APLF: variants seen among roughly 807,000 people sequenced by gnomAD.
APLF encodes aprataxin and PNK-like factor.
In APLF, 61 loss-of-function variants were observed where a neutral mutation model predicts 55.6. That is an observed-to-expected ratio of 1.10 (90% CI 0.89 to 1.36). APLF has a LOEUF of 1.36. APLF is among the 40% of genes most tolerant of loss of function. The pLI is 0.00. For synonymous variants in APLF, 207 were observed against 214.8 expected, an observed-to-expected ratio of 0.96 and a Z score of 0.32; for missense variants, 611 against 602.5, an observed-to-expected ratio of 1.01 and a Z score of -0.15.
chr2:68,515,220 A>G (rs1288672726), intron 5 of APLF, among the ~76,000 whole-genome samples: 1 of 151,724 alleles, frequency 6.6e-6, no homozygotes, highest in Non-Finnish European at 1.5e-5. Flanking sequence ...ATCTAAGCCT[A>G]AGACTTTTGC....
chr2:68,490,168 T>C, intron 1 of APLF, 22 bp from the exon 2 acceptor site: 1 of 1,556,034 alleles, frequency 6.4e-7, no homozygotes, highest in Non-Finnish European at 8.7e-7. Context: ...ATTCTTAATC[T>C]TTTAATTTTT....
At chr2:68,519,039 T>TATAATAATATAATATATGATTAATATATA (rs1669800475) in intron 5 of APLF, among the ~76,000 whole-genome samples, 1 of 117,800 alleles carries the variant, frequency 8.5e-6, no homozygotes, top group African/African-American at 3.9e-5. Context: ...ATGATTAATA[T>TATAATAATATAATATATGATTAATATATA]ATAATAATAT....
In APLF at chr2:68,502,893, T is replaced by C. The variant is rs1158017697; in HGVS notation, c.331T>C (p.Cys111Arg). 1.2e-6 allele frequency: 2 copies of C among 1,602,862 alleles called. No homozygotes were observed. Among genetic ancestry groups the C allele is most frequent in the East Asian group, 2.3e-5 (1 of 44,300 alleles). ...TATACCCTCTGAAGTGGAAATGCAA[T>C]GTACCTTAAGGTAAGTGCCTGATGA... ...LSIPSEVEMQ[C>R]TLRNSQVLDE... Residue 111 changes from cysteine to arginine, a missense_variant, in exon 3 of 10, where the codon TGT becomes CGT. Physicochemically the swap from Cys to Arg is radical, Grantham distance 180. Coordinates refer to ENST00000303795, the MANE Select transcript of APLF (RefSeq NM_173545.3).
intron 7 of APLF, among the ~76,000 whole-genome samples, chr2:68,542,616 A>G (rs1271507396): frequency 6.6e-6 from 1 of 152,128 alleles, no homozygotes; most frequent in Non-Finnish European, 1.5e-5. Flanking sequence ...CCTCACACCT[A>G]TTAGGGTGGC....
chr2:68,536,259 TTATC>T (rs1205904048), intron 6 of APLF, among the ~76,000 whole-genome samples: 2 of 152,244 alleles, frequency 1.3e-5, no homozygotes, highest in African/African-American at 4.8e-5. Context: ...TCCCCATAGG[TTATC>T]TGTTACTATA....
intron 3 of APLF, among the ~76,000 whole-genome samples, chr2:68,510,748 A>T (rs1350950233): frequency 6.6e-6 from 1 of 151,856 alleles, no homozygotes; most frequent in Non-Finnish European, 1.5e-5. Flanking sequence ...CATTATTCAT[A>T]ATAGCCAAAA....
rs1350997313 is a variant in APLF at position 68,467,634 on chromosome 2, T to G, written c.-98T>G. ...AGCCTTTGAGGCCCTCCCTCGGTGT[T>G]TTTTCCCAGGGCGTGGGCTTGCCCC... is the stretch of plus-strand genomic sequence containing the variant. On this transcript the variant is annotated 5_prime_UTR_variant, in exon 1 of 10. Transcript: ENST00000303795. The G allele has an allele frequency of 9.4e-7, 1 of 1,066,962 alleles. No homozygotes were observed. Among genetic ancestry groups the G allele is most frequent in the African/African-American group, 1.6e-5 (1 of 61,110 alleles). 66.1% of individuals were successfully genotyped at this position (1,066,962 alleles called of 1,614,324 possible).
chr2:68,568,091 G>C (rs1369128201), intron 9 of APLF: 4 of 159,176 alleles, frequency 2.5e-5, no homozygotes, highest in Non-Finnish European at 4.0e-5. Context: ...AAGAGAGGAG[G>C]GGGAGAGACA....
intron 6 of APLF, chr2:68,531,462 C>T (rs1005527127): frequency 7.2e-5 from 11 of 152,230 alleles, no homozygotes; most frequent in African/African-American, 2.7e-4. Context: ...CTCACTCCTA[C>T]CCTCTCTCCC....
rs752825488 is a variant in APLF, at chr2:68,577,971, A to G, written c.1485A>G (p.Glu495=). 6.2e-7 allele frequency: 1 copy of G among 1,613,592 alleles called. No individual in the cohort carries two copies. Among genetic ancestry groups the G allele is most frequent in the Non-Finnish European group, 8.5e-7 (1 of 1,179,686 alleles). ...WEPGKEDEEK[E]DVEELLKEAK... ...CAGGAAAGGAAGATGAAGAGAAGGA[A>G]GATGTGGAAGAGCTTTTGAAAGAAG... is the stretch of plus-strand genomic sequence containing the variant. Residue 495 remains glutamate (E), a synonymous_variant, in exon 10 of 10, where the codon GAA becomes GAG. Coordinates refer to ENST00000303795, the MANE Select transcript of APLF (RefSeq NM_173545.3).
At chr2:68,545,788 C>T (rs1176431423) in intron 8 of APLF, among the ~76,000 whole-genome samples, 2 of 152,178 alleles carry the variant, frequency 1.3e-5, no homozygotes, top group African/African-American at 4.8e-5. Context: ...GTATCATGCA[C>T]AGAGTAGGAT....
intron 5 of APLF, among the ~76,000 whole-genome samples, chr2:68,514,173 C>T (rs1331334705): frequency 2.0e-5 from 3 of 151,636 alleles, no homozygotes; most frequent in Non-Finnish European, 3.0e-5. Context: ...TATGTTTCTC[C>T]GATGAGATTC....
chr2:68,566,568 A>G (rs918145868), intron 8 of APLF, among the ~76,000 whole-genome samples: 16 of 152,138 alleles, frequency 1.1e-4, no homozygotes, highest in Non-Finnish European at 1.8e-4. Flanking sequence ...TTGTCACCTC[A>G]GCACATATCT....
chr2:68,517,040 A>G (rs1455229894), intron 5 of APLF, among the ~76,000 whole-genome samples: 1 of 123,484 alleles, frequency 8.1e-6, no homozygotes, highest in African/African-American at 3.3e-5. Context: ...TATATAATAT[A>G]TAATAACATG....
chr2:68,505,856 T>C (rs1372550683), intron 3 of APLF, among the ~76,000 whole-genome samples: 1 of 151,974 alleles, frequency 6.6e-6, no homozygotes, highest in Non-Finnish European at 1.5e-5. Context: ...AGTAAATCAT[T>C]GACCAGTATG....
At position 68,518,542 on chromosome 2, in the gene APLF, T is replaced by C. The variant is rs1403932688; in HGVS notation, c.622+4862T>C. Among the ~76,000 whole-genome samples the C allele has an allele frequency of 2.6e-5, 3 of 117,416 alleles. No homozygotes were observed. In the Admixed American group the frequency reaches 3.0e-4, roughly 12 times the overall value. The allele number at this position is 117,416 out of a possible 152,430, so 77.0% of individuals were successfully genotyped here. On this transcript the variant is annotated intron_variant, in intron 5 of 9. Transcript: ENST00000303795. Reference sequence around the variant, plus strand: ...TATTATATTATATATTAATATATAATAATATATCAATAATGTATCATGAAT... The same window carrying C: ...TATTATATTATATATTAATATATAACAATATATCAATAATGTATCATGAAT...
rs1434600264 is a variant in APLF, at chr2:68,517,202, A to C, written c.622+3522A>C. Among the ~76,000 whole-genome samples, 3 of 124,552 alleles carry C rather than the reference A, an allele frequency of 2.4e-5. 1 individual carries two copies. Among genetic ancestry groups the C allele is most frequent in the Non-Finnish European group, 4.7e-5 (3 of 63,526 alleles). 81.7% of individuals were successfully genotyped at this position (124,552 alleles called of 152,430 possible). A position where few individuals can be genotyped will look rare whatever the true frequency, so the allele number is the denominator to read the frequency against. ...TAATGTTATTGATACATAATATATT[A>C]ATATATGTTATTGATATATATAAAT... On this transcript the variant is annotated intron_variant, in intron 5 of 9. Coordinates refer to ENST00000303795, the MANE Select transcript of APLF (RefSeq NM_173545.3).
chr2:68,553,395 T>A (rs1670918545), intron 8 of APLF, among the ~76,000 whole-genome samples: 2 of 152,108 alleles, frequency 1.3e-5, no homozygotes, highest in South Asian at 4.1e-4. Context: ...CAATGTTCAG[T>A]TTAGTTATAT....
intron 6 of APLF, chr2:68,528,227 C>T: frequency 8.7e-7 from 1 of 1,144,514 alleles, no homozygotes; most frequent in Non-Finnish European, 1.3e-6. Flanking sequence ...CAGGCGTGGG[C>T]CACCATGCCT....
Sources: allele counts gnomAD v4.1 joint callset (sites outside exome capture counted in the v4.1 genomes callset), GRCh38; gene constraint gnomAD v4.1.1; transcripts MANE v1.5; gene names NCBI Gene and HGNC (gene_info 2026-07-23, HGNC 2026-07-21).